Variants in PTPRR observed in about 807,000 individuals in gnomAD.
PTPRR encodes protein tyrosine phosphatase receptor type R.
In PTPRR, 38 loss-of-function variants were observed where a neutral mutation model predicts 77.2. The observed-to-expected ratio is 0.49, with a 90% CI of 0.38 to 0.65. PTPRR has a LOEUF of 0.65. Ranked by LOEUF, PTPRR falls within the 30% of genes least tolerant of loss-of-function variation. The pLI is 0.00. For synonymous variants in PTPRR, 299 were observed against 283.1 expected (o/e 1.06, Z -0.57); for missense variants, 744 against 799.2 (o/e 0.93, Z 0.83).
chr12:70,867,474 T>C (rs1163696106), intron 2 of PTPRR, among the ~76,000 whole-genome samples: 2 of 152,020 alleles, frequency 1.3e-5, no homozygotes, highest in East Asian at 1.9e-4. Context: ...GAATCCAACT[T>C]ACAAGGGATG....
chr12:70,836,881 G>A lies in PTPRR; in HGVS notation c.357+55798C>T, dbSNP rs117802089. Among the ~76,000 whole-genome samples the A allele has an allele frequency of 3.2e-3, 481 of 151,952 alleles. 5 individuals carry two copies. The highest frequency in any genetic ancestry group is 0.021 in the Admixed American group (319 of 15,232). On this transcript the variant is annotated intron_variant, in intron 2 of 13. Coordinates refer to ENST00000283228, the MANE Select transcript of PTPRR (RefSeq NM_002849.4). ...ACCATTCTGGTCTCAATGACAGTAT[G>A]TGTTCAATATATAATTAATTGAATA...
chr12:70,649,731 T>C (rs1165308347), intron 13 of PTPRR, among the ~76,000 whole-genome samples: 1 of 152,068 alleles, frequency 6.6e-6, no homozygotes, highest in Non-Finnish European at 1.5e-5. Context: ...TGCACCACCA[T>C]GCCTGGCTAA....
At chr12:70,684,836 T>C (rs1034057554) in intron 8 of PTPRR, 53 bp from the exon 9 acceptor site, 13 of 1,269,076 alleles carry the variant, frequency 1.0e-5, no homozygotes, top group Non-Finnish European at 1.5e-5. Context: ...CTTTTTAAAG[T>C]TCCTTAGAAT....
At chr12:70,914,370 G>C (rs912522240) in intron 1 of PTPRR, among the ~76,000 whole-genome samples, 1 of 152,162 alleles carries the variant, frequency 6.6e-6, no homozygotes, top group African/African-American at 2.4e-5. Context: ...ATGCTTTTAA[G>C]AGTTTCACCT....
chr12:70,824,266 A>T (rs968474302), intron 2 of PTPRR, among the ~76,000 whole-genome samples: 1 of 152,206 alleles, frequency 6.6e-6, no homozygotes, highest in Non-Finnish European at 1.5e-5. Flanking sequence ...AAAGCCTAGC[A>T]TGGCACCTAC....
chr12:70,675,554 C>T (rs1250007303), intron 10 of PTPRR, among the ~76,000 whole-genome samples: 2 of 151,870 alleles, frequency 1.3e-5, no homozygotes, highest in East Asian at 1.9e-4. Flanking sequence ...TTTAACTTTC[C>T]TCATCTTCTC....
chr12:70,690,648 T>C (rs1362908340), intron 8 of PTPRR, among the ~76,000 whole-genome samples: 1 of 152,208 alleles, frequency 6.6e-6, no homozygotes, highest in African/African-American at 2.4e-5. Flanking sequence ...CAGAAGTCTT[T>C]TTCACTATTT....
chr12:70,646,911 A>G (rs1333224831), intron 13 of PTPRR, among the ~76,000 whole-genome samples: 1 of 152,112 alleles, frequency 6.6e-6, no homozygotes, highest in Non-Finnish European at 1.5e-5. Flanking sequence ...TTGGAAATTG[A>G]TGGCATATAT....
rs71899092 is a variant in PTPRR at position 70,779,166 on chromosome 12, CTT to C, written c.358-14390_358-14389del. 4.2e-3 allele frequency among the ~76,000 whole-genome samples: 608 copies of C among 143,430 alleles called. 6 individuals carry two copies. The highest frequency in any genetic ancestry group is 0.014 in the African/African-American group (542 of 39,072). The allele number at this position is 143,430 out of a possible 152,430, so 94.1% of individuals were successfully genotyped here. ...CCCAACCCTCCATTCATTTTTAAAT[CTT>C]TTTTTTTTTTTTTCTTTCAGGAGTT... On this transcript the variant is annotated intron_variant, in intron 2 of 13. Coordinates refer to ENST00000283228, the MANE Select transcript of PTPRR (RefSeq NM_002849.4).
intron 3 of PTPRR, among the ~76,000 whole-genome samples, 171 bp from the exon 4 acceptor site, chr12:70,761,797 C>T (rs114832993): frequency 1.5e-3 from 233 of 152,154 alleles, no homozygotes; most frequent in African/African-American, 5.2e-3. Flanking sequence ...GTTACCAGTC[C>T]AAAGTCTAAA....
chr12:70,705,390 G>C (rs554595160), intron 6 of PTPRR, among the ~76,000 whole-genome samples: 1 of 152,088 alleles, frequency 6.6e-6, no homozygotes, highest in East Asian at 1.9e-4. Context: ...AAAATTTCTA[G>C]TATCATGTCT....
chr12:70,866,109 A>G (rs367709983), intron 2 of PTPRR, among the ~76,000 whole-genome samples: 1 of 152,088 alleles, frequency 6.6e-6, no homozygotes, highest in Non-Finnish European at 1.5e-5. Context: ...ACACCCTAAC[A>G]TCACAATTAA....
At chr12:70,687,210 A>G (rs1362443934) in intron 8 of PTPRR, among the ~76,000 whole-genome samples, 3 of 146,336 alleles carry the variant, frequency 2.1e-5, no homozygotes, top group Admixed American at 1.4e-4. Context: ...AGTTGAAACC[A>G]GATTACCAAA....
At chr12:70,697,841 A>G (rs961589295) in intron 8 of PTPRR, among the ~76,000 whole-genome samples, 7 of 152,182 alleles carry the variant, frequency 4.6e-5, no homozygotes, top group African/African-American at 1.7e-4. Flanking sequence ...TCAGGTAGCC[A>G]TAATGTGTGG....
intron 2 of PTPRR, among the ~76,000 whole-genome samples, chr12:70,866,990 C>A (rs950881721): frequency 1.3e-5 from 2 of 151,450 alleles, no homozygotes; most frequent in Non-Finnish European, 2.9e-5. Context: ...AATTCAGCAA[C>A]CCTTCATGCT....
rs1290934621 is a variant in PTPRR at position 70,786,926 on chromosome 12, T to A, written c.358-22148A>T. ...TAATTTTCTGCATGGTTAAAATGAATAAAGGCAGAGTGTGGAATAAGTTTT... is the reference window on the plus strand; with the variant it reads ...TAATTTTCTGCATGGTTAAAATGAAAAAAGGCAGAGTGTGGAATAAGTTTT... On this transcript the variant is annotated intron_variant, in intron 2 of 13. Transcript: ENST00000283228. 5.3e-5 allele frequency among the ~76,000 whole-genome samples: 8 copies of A among 152,214 alleles called. No individual in the cohort carries two copies. The East Asian group carries it at 1.3e-3, about 26-fold the overall frequency.
chr12:70,790,999 T>C (rs1891413221), intron 2 of PTPRR, among the ~76,000 whole-genome samples: 1 of 152,198 alleles, frequency 6.6e-6, no homozygotes, highest in South Asian at 2.1e-4. Flanking sequence ...ACATCTATCA[T>C]GGGCCAAAGC....
At chr12:70,645,713 A>G (rs1296838168) in intron 13 of PTPRR, among the ~76,000 whole-genome samples, 1 of 152,196 alleles carries the variant, frequency 6.6e-6, no homozygotes, top group Non-Finnish European at 1.5e-5. Context: ...TATAAATGTC[A>G]GATAATCTCA....
At chr12:70,772,877 T>G (rs1285514557) in intron 2 of PTPRR, among the ~76,000 whole-genome samples, 1 of 152,178 alleles carries the variant, frequency 6.6e-6, no homozygotes, top group Non-Finnish European at 1.5e-5. Flanking sequence ...ACTTTATTTT[T>G]TTTTAAGCTT....
Sources: allele counts gnomAD v4.1 joint callset (sites outside exome capture counted in the v4.1 genomes callset), GRCh38; gene constraint gnomAD v4.1.1; transcripts MANE v1.5; gene names NCBI Gene and HGNC (gene_info 2026-07-23, HGNC 2026-07-21).